Variants in RNF103 observed in about 807,000 individuals in gnomAD.
The protein encoded by RNF103 is E3 ubiquitin-protein ligase RNF103.
A neutral mutation model predicts 66.2 loss-of-function variants in RNF103; 23 were observed. The ratio of observed to expected loss-of-function variants is 0.35; its 90% confidence interval spans 0.25 to 0.49. The LOEUF (loss-of-function observed/expected upper bound fraction) is 0.49, where lower values mean the gene tolerates loss of function less well. Among genes scored for constraint, RNF103 ranks in the 20% least tolerant of loss-of-function variants. RNF103 has a pLI of 0.98. For synonymous variants in RNF103, 297 were observed against 289.9 expected, an observed-to-expected ratio of 1.02 and a Z score of -0.25; for missense variants, 730 against 814.7, an observed-to-expected ratio of 0.90 and a Z score of 1.27.
intron 2 of RNF103, 85 bp downstream of exon 2, chr2:86,620,245 A>T: frequency 7.2e-7 from 1 of 1,392,636 alleles, no homozygotes; most frequent in Non-Finnish European, 9.5e-7. Context: ...AGGACACGGA[A>T]GTGTCACTGG....
Position 86,622,701 on chromosome 2 carries a change from C to T in RNF103, c.186G>A (p.Leu62=). 1 of 1,614,152 alleles carries T rather than the reference C, an allele frequency of 6.2e-7. No homozygotes were observed. The highest frequency in any genetic ancestry group is 1.7e-4 in the Middle Eastern group (1 of 6,060). ...GCTCCCGGACATCCTTCTTCTCGGG[C>T]AACCCTGAGTAGCCCAACCCCCGGC... ...LECRGLGYSG[L]PEKKDVRELV... is the part of the protein sequence containing the mutation. The change falls in exon 1 of 4, where the codon TTG becomes TTA. Residue 62 remains leucine, a synonymous_variant. Transcript: ENST00000237455.
chr2:86,615,795 A>G (rs561276344), intron 2 of RNF103, among the ~76,000 whole-genome samples: 13 of 152,214 alleles, frequency 8.5e-5, no homozygotes, highest in African/African-American at 3.1e-4. Context: ...AAGTGAAGCA[A>G]TCTTTCCATT....
In RNF103 at chr2:86,623,221, C is replaced by G; in HGVS notation, c.-335G>C. On this transcript the variant is annotated 5_prime_UTR_variant, in exon 1 of 4. Coordinates refer to ENST00000237455, the MANE Select transcript of RNF103 (RefSeq NM_005667.4). ...GGAGAGCTCGCGGGGAAGAACAAAA[C>G]GAGGGACGCTTCCCCCGGGGCGGGC... 1 of 1,015,052 alleles carries G rather than the reference C, an allele frequency of 9.9e-7. No homozygotes were observed. The highest frequency in any genetic ancestry group is 1.2e-6 in the Non-Finnish European group (1 of 851,032). The allele number at this position is 1,015,052 out of a possible 1,614,324, so 62.9% of individuals were successfully genotyped here.
intron 2 of RNF103, chr2:86,612,794 A>AC: frequency 6.6e-6 from 1 of 152,556 alleles, no homozygotes; most frequent in Admixed American, 6.5e-5. Flanking sequence ...AATAAATACT[A>AC]CTAGTTCTAT....
chr2:86,621,240 T>G (rs187951781), intron 1 of RNF103, among the ~76,000 whole-genome samples: 1 of 152,300 alleles, frequency 6.6e-6, no homozygotes, highest in African/African-American at 2.4e-5. Flanking sequence ...AAGTTAAATG[T>G]GGACTTCTAG....
Position 86,604,689 on chromosome 2 carries a change from T to A in RNF103, c.1212A>T (p.Ser404=), listed in dbSNP as rs756620778. The change falls in exon 4 of 4, where the codon TCA becomes TCT. Residue 404 remains serine (S), a synonymous_variant. Transcript: ENST00000237455. ...AAAACATCCAGTCTGCCCTTACCCATGAAGCCAGTGTGGTTGTATTGGAAT... is the reference window on the plus strand; with the variant it reads ...AAAACATCCAGTCTGCCCTTACCCAAGAAGCCAGTGTGGTTGTATTGGAAT... ...LRYSNTTTLA[S]WVRADWMFYS... is the part of the protein sequence containing the mutation. 6.2e-7 allele frequency: 1 copy of A among 1,614,160 alleles called. No individual in the cohort carries two copies. Among genetic ancestry groups the A allele is most frequent in the Non-Finnish European group, 8.5e-7 (1 of 1,180,024 alleles).
At chr2:86,616,089 C>T (rs1229956215) in intron 2 of RNF103, among the ~76,000 whole-genome samples, 2 of 152,180 alleles carry the variant, frequency 1.3e-5, no homozygotes, top group African/African-American at 4.8e-5. Context: ...TGGTACCCTG[C>T]TAAGCAACTG....
chr2:86,607,121 A>G (rs562937264), intron 3 of RNF103, among the ~76,000 whole-genome samples: 1 of 152,328 alleles, frequency 6.6e-6, no homozygotes, highest in Non-Finnish European at 1.5e-5. Context: ...ATTTACCTCA[A>G]TAAAGTTGTA....
At chr2:86,616,441 AT>A (rs1251299461) in intron 2 of RNF103, 10 of 909,740 alleles carry the variant, frequency 1.1e-5, no homozygotes, top group South Asian at 5.1e-5. Flanking sequence ...TGGTCTTTTA[AT>A]TTTTTTGTAT....
At chr2:86,620,512 C>A in intron 1 of RNF103, 43 bp from the exon 2 acceptor site, 1 of 1,476,082 alleles carries the variant, frequency 6.8e-7, no homozygotes, top group Non-Finnish European at 9.1e-7. Context: ...TTGCAAGAAT[C>A]CTAGATTCCC....
intron 3 of RNF103, among the ~76,000 whole-genome samples, chr2:86,607,338 A>G (rs1318680559): frequency 6.6e-6 from 1 of 152,218 alleles, no homozygotes; most frequent in Non-Finnish European, 1.5e-5. Context: ...TGACGTAGGT[A>G]GCATATGGCT....
chr2:86,619,084 C>G (rs1679127445), intron 2 of RNF103, among the ~76,000 whole-genome samples: 2 of 152,132 alleles, frequency 1.3e-5, no homozygotes, highest in Non-Finnish European at 2.9e-5. Flanking sequence ...AACCTCAACC[C>G]TTTAGCACAG....
Position 86,603,582 on chromosome 2 carries a change from A to G in RNF103, c.*261T>C, listed in dbSNP as rs1678426424. ...TAAAGTCTTGCTAGGATAAATTTCTATAATACTTCTTTTGTGCTTACAAAA... is the reference window on the plus strand; with the variant it reads ...TAAAGTCTTGCTAGGATAAATTTCTGTAATACTTCTTTTGTGCTTACAAAA... On this transcript the variant is annotated 3_prime_UTR_variant, in exon 4 of 4. Transcript: ENST00000237455. 1 of 462,790 alleles carries G rather than the reference A, an allele frequency of 2.2e-6. No individual in the cohort carries two copies. The highest frequency in any genetic ancestry group is 3.4e-5 in the South Asian group (1 of 29,346). 28.7% of individuals were successfully genotyped at this position (462,790 alleles called of 1,614,324 possible). A position where few individuals can be genotyped will look rare whatever the true frequency, so the allele number is the denominator to read the frequency against.
chr2:86,611,235 T>C (rs1457305598), intron 3 of RNF103, among the ~76,000 whole-genome samples: 1 of 151,822 alleles, frequency 6.6e-6, no homozygotes, highest in Non-Finnish European at 1.5e-5. Flanking sequence ...CATGACAGCT[T>C]TGCAGGTAGA....
chr2:86,604,660 G>A lies in RNF103; in HGVS notation c.1241C>T (p.Ser414Phe), dbSNP rs757585213. Residue 414 changes from serine (S) to phenylalanine (F), a missense_variant, in exon 4 of 4, where the codon TCT becomes TTT. This residue lies in a region of RNF103 where 355 missense variants were observed against 351.9 expected (regional missense o/e 1.01). Coordinates refer to ENST00000237455, the MANE Select transcript of RNF103 (RefSeq NM_005667.4). ...SWVRADWMFY[S>F]SHPALFLSTY... Reference sequence around the variant, plus strand: ...ACTGAGAAACAGGGCTGGGTGTGAAGAGTAAAACATCCAGTCTGCCCTTAC... The same window carrying A: ...ACTGAGAAACAGGGCTGGGTGTGAAAAGTAAAACATCCAGTCTGCCCTTAC... The A allele has an allele frequency of 1.7e-5, 27 of 1,614,070 alleles. No homozygotes were observed. The highest frequency in any genetic ancestry group is 2.2e-5 in the Non-Finnish European group (26 of 1,180,048).
chr2:86,617,113 G>A (rs1679051281), intron 2 of RNF103: 2 of 984,782 alleles, frequency 2.0e-6, no homozygotes, highest in Non-Finnish European at 2.4e-6. Flanking sequence ...GTGTGTCATT[G>A]GTAAAGATGT....
At chr2:86,608,486 C>CAA (rs1222638516) in intron 3 of RNF103, among the ~76,000 whole-genome samples, 173 of 39,134 alleles carry the variant, frequency 4.4e-3, no homozygotes, top group Middle Eastern at 0.011. Context: ...GACTCCATCT[C>CAA]AAAAAAAAAA....
rs144086057 is a variant in RNF103 at position 86,618,122 on chromosome 2, G to A, written c.366+2208C>T. 1.2e-3 allele frequency: 376 copies of A among 320,238 alleles called. 1 individual carries two copies. Among genetic ancestry groups the A allele is most frequent in the African/African-American group, 7.3e-3 (330 of 45,464 alleles). 19.8% of individuals were successfully genotyped at this position (320,238 alleles called of 1,614,324 possible). A position where few individuals can be genotyped will look rare whatever the true frequency, so the allele number is the denominator to read the frequency against. On this transcript the variant is annotated intron_variant, in intron 2 of 3. Transcript: ENST00000237455. The stretch of plus-strand genomic sequence containing the variant: ...TTTTTCAACTATTAATACCTATAAG[G>A]TTTAAAAATATTTTCAGAGAAAAAA...
Position 86,604,835 on chromosome 2 carries a change from G to A in RNF103, c.1066C>T (p.Leu356Phe). ...TTATATGTCCCTAAAGTGCTTATGA[G>A]AACCACAAATCGCTTTATGGTAGCT... is the stretch of plus-strand genomic sequence containing the variant. ...QGATIKRFVV[L>F]ISTLGTYNSL... The change falls in exon 4 of 4, where the codon CTC (leucine) becomes TTC (phenylalanine). Residue 356 changes from leucine (L) to phenylalanine (F), a missense_variant. Transcript: ENST00000237455. The A allele has an allele frequency of 6.2e-7, 1 of 1,614,054 alleles. No homozygotes were observed. The highest frequency in any genetic ancestry group is 8.5e-7 in the Non-Finnish European group (1 of 1,180,018).
Sources: gnomAD v4.1 joint callset for allele counts (sites outside exome capture counted in the v4.1 genomes callset) on GRCh38, gnomAD v4.1.1 for gene constraint, gnomAD v4.1.1 regional missense constraint, MANE v1.5 for transcripts, NCBI Gene and HGNC (gene_info 2026-07-23, HGNC 2026-07-21) for gene names.